ZFPM2: variants seen among roughly 807,000 people sequenced by gnomAD.
ZFPM2 encodes the protein zinc finger protein, FOG family member 2.
A neutral mutation model predicts 98.6 loss-of-function variants in ZFPM2; 20 were observed. The ratio of observed to expected loss-of-function variants is 0.20; its 90% confidence interval spans 0.14 to 0.29. The LOEUF is 0.29. Ranked by LOEUF, ZFPM2 falls within the 10% of genes least tolerant of loss-of-function variation. The pLI, the probability that ZFPM2 is intolerant of heterozygous loss-of-function variation, is 1.00. For missense variants in ZFPM2, 1,310 were observed against 1,388.6 expected (o/e 0.94, Z 0.90); for synonymous variants, 518 against 502.7 (o/e 1.03, Z -0.41).
intron 4 of ZFPM2, among the ~76,000 whole-genome samples, chr8:105,566,335 C>A (rs1815242944): frequency 6.6e-6 from 1 of 151,990 alleles, no homozygotes; most frequent in African/African-American, 2.4e-5. Flanking sequence ...TCAGAAATAA[C>A]TTATATTAAA....
chr8:105,372,372 C>T (rs1244936732), intron 1 of ZFPM2, among the ~76,000 whole-genome samples: 5 of 152,030 alleles, frequency 3.3e-5, no homozygotes, highest in Non-Finnish European at 5.9e-5. Context: ...AAGAAGCATA[C>T]AGAAAATGTG....
chr8:105,333,970 A>G (rs1479598540), intron 1 of ZFPM2, among the ~76,000 whole-genome samples: 2 of 151,676 alleles, frequency 1.3e-5, no homozygotes, highest in African/African-American at 4.8e-5. Flanking sequence ...TTTTCACTGT[A>G]TGCCTCTTAA....
chr8:105,332,686 G>A (rs935924995), intron 1 of ZFPM2, among the ~76,000 whole-genome samples: 1 of 151,616 alleles, frequency 6.6e-6, no homozygotes, highest in Non-Finnish European at 1.5e-5. Context: ...GGTATAAATT[G>A]CTGTGGGCAT....
intron 5 of ZFPM2, among the ~76,000 whole-genome samples, chr8:105,775,262 T>G (rs1029160383): frequency 1.3e-5 from 2 of 151,990 alleles, no homozygotes; most frequent in African/African-American, 4.8e-5. Flanking sequence ...TGAACTTGTA[T>G]AATTTATTCC....
chr8:105,618,049 A>C (rs2130810874), intron 4 of ZFPM2, among the ~76,000 whole-genome samples: 1 of 152,230 alleles, frequency 6.6e-6, no homozygotes, highest in East Asian at 1.9e-4. Flanking sequence ...CAAAAGCTAT[A>C]AATTTCACAG....
At chr8:105,711,508 C>A (rs1368927313) in intron 5 of ZFPM2, among the ~76,000 whole-genome samples, 1 of 152,024 alleles carries the variant, frequency 6.6e-6, no homozygotes, top group Non-Finnish European at 1.5e-5. Context: ...GGCTCAAATC[C>A]TCTCTTCTAG....
chr8:105,672,100 G>C (rs1257490814), intron 5 of ZFPM2, among the ~76,000 whole-genome samples: 1 of 151,964 alleles, frequency 6.6e-6, no homozygotes, highest in Non-Finnish European at 1.5e-5. Context: ...TGTAACAATA[G>C]TTGGTTCTAT....
intron 1 of ZFPM2, among the ~76,000 whole-genome samples, chr8:105,336,531 A>G (rs1812328068): frequency 6.6e-6 from 1 of 151,734 alleles, no homozygotes; most frequent in Non-Finnish European, 1.5e-5. Context: ...AAGTTTTATA[A>G]AAAGATCTTG....
chr8:105,642,172 G>A (rs560349016), intron 5 of ZFPM2, among the ~76,000 whole-genome samples: 4 of 152,062 alleles, frequency 2.6e-5, no homozygotes, highest in Admixed American at 2.6e-4. Flanking sequence ...GTAAGATACT[G>A]AGAATAGTTT....
intron 3 of ZFPM2, among the ~76,000 whole-genome samples, chr8:105,469,176 A>G (rs1333331280): frequency 1.3e-5 from 2 of 152,160 alleles, no homozygotes; most frequent in Non-Finnish European, 2.9e-5. Flanking sequence ...CCACTTATAT[A>G]ATAAGTTTTG....
chr8:105,740,284 C>G (rs1048238338), intron 5 of ZFPM2, among the ~76,000 whole-genome samples: 18 of 151,640 alleles, frequency 1.2e-4, no homozygotes, highest in Admixed American at 3.9e-4. Context: ...AAGAGAGGAA[C>G]AAAAATAATT....
At chr8:105,617,946 C>T (rs192116019) in intron 4 of ZFPM2, among the ~76,000 whole-genome samples, 3 of 152,156 alleles carry the variant, frequency 2.0e-5, no homozygotes, top group African/African-American at 4.8e-5. Context: ...GGTCTTTTCC[C>T]CTTATTCCTA....
chr8:105,565,656 T>A (rs1815228864), intron 4 of ZFPM2, among the ~76,000 whole-genome samples: 1 of 152,206 alleles, frequency 6.6e-6, no homozygotes, highest in Admixed American at 6.6e-5. Flanking sequence ...AATTTTGGAC[T>A]AAATGAGATA....
At chr8:105,347,142 C>G in intron 1 of ZFPM2, among the ~76,000 whole-genome samples, 1 of 151,886 alleles carries the variant, frequency 6.6e-6, no homozygotes. Flanking sequence ...CACCCCGCCC[C>G]CCAAAACCCT....
intron 3 of ZFPM2, among the ~76,000 whole-genome samples, chr8:105,522,697 G>C (rs1814089489): frequency 6.6e-6 from 1 of 152,060 alleles, no homozygotes; most frequent in Non-Finnish European, 1.5e-5. Flanking sequence ...CTTGAACCCG[G>C]GAGGTGGAGG....
chr8:105,703,052 T>C (rs1349954932), intron 5 of ZFPM2, among the ~76,000 whole-genome samples: 1 of 152,166 alleles, frequency 6.6e-6, no homozygotes, highest in Non-Finnish European at 1.5e-5. Flanking sequence ...TTGGACTCCT[T>C]TCCTGCCCCC....
Position 105,419,315 on chromosome 8 carries a change from G to T in ZFPM2, c.199+13G>T. 1 of 1,611,876 alleles carries T rather than the reference G, an allele frequency of 6.2e-7. No individual in the cohort carries two copies. The highest frequency in any genetic ancestry group is 1.7e-5 in the Admixed American group (1 of 59,670). ...TTTTGTAACAAAGGTAATTGTTGAT[G>T]GTTGGATGTAATATGTGAGTCCACT... is the stretch of plus-strand genomic sequence containing the variant. On this transcript the variant is annotated intron_variant, in intron 2 of 7. Coordinates refer to ENST00000407775, the MANE Select transcript of ZFPM2 (RefSeq NM_012082.4).
intron 5 of ZFPM2, among the ~76,000 whole-genome samples, chr8:105,731,557 ATT>A (rs1811939738): frequency 6.6e-6 from 1 of 151,646 alleles, no homozygotes; most frequent in South Asian, 2.1e-4. Context: ...ATAATAATGA[ATT>A]GAATGAACTA....
At chr8:105,520,990 A>G (rs1433930622) in intron 3 of ZFPM2, among the ~76,000 whole-genome samples, 1 of 152,092 alleles carries the variant, frequency 6.6e-6, no homozygotes. Flanking sequence ...TGTGGTCACA[A>G]TGATGACCAG....
Sources: allele counts gnomAD v4.1 joint callset (sites outside exome capture counted in the v4.1 genomes callset), GRCh38; gene constraint gnomAD v4.1.1; transcripts MANE v1.5; gene names NCBI Gene and HGNC (gene_info 2026-07-23, HGNC 2026-07-21).